Variants in NCOR2 observed in about 807,000 individuals in gnomAD.
The protein encoded by NCOR2 is CTG repeat protein 26.
A neutral mutation model predicts 262.9 loss-of-function variants in NCOR2; 81 were observed. The observed-to-expected ratio is 0.31, with a 90% CI of 0.26 to 0.37. NCOR2 has a LOEUF of 0.37. NCOR2 is among the 10% of genes least tolerant of loss of function. The pLI is 1.00. For synonymous variants in NCOR2, 1,659 were observed against 1,559.3 expected (o/e 1.06, Z -1.51); for missense variants, 3,385 against 3,621.4 (o/e 0.93, Z 1.68).
In NCOR2 at chr12:124,378,515, C is replaced by A; in HGVS notation, c.2020-131G>T. On this transcript the variant is annotated intron_variant, in intron 17 of 46. Coordinates refer to ENST00000405201, the Ensembl canonical transcript of NCOR2. The surrounding 1 kb of genome is among the most constrained non-coding windows in gnomAD (Gnocchi z 4.2). ...CCATGTAGCAATGAGGGTGACCGTC[C>A]CCCTCACACCCCACCTCGGCAGCCA... 2 of 878,152 alleles carry A rather than the reference C, an allele frequency of 2.3e-6. No homozygotes were observed. Among genetic ancestry groups the A allele is most frequent in the East Asian group, 2.7e-5 (1 of 36,752 alleles). 54.4% of individuals were successfully genotyped at this position (878,152 alleles called of 1,614,324 possible).
chr12:124,491,624 C>T (rs1351168891), intron 1 of NCOR2, among the ~76,000 whole-genome samples: 1 of 152,178 alleles, frequency 6.6e-6, no homozygotes, highest in African/African-American at 2.4e-5. Context: ...TTAGCCCATT[C>T]GTTTAGCCCA....
intron 44 of NCOR2, among the ~76,000 whole-genome samples, chr12:124,328,163 G>A (rs571539874): frequency 6.6e-6 from 1 of 150,566 alleles, no homozygotes. Flanking sequence ...AGAGAGAGAA[G>A]GTGACCAGAT....
intron 16 of NCOR2, 125 bp from the exon 19 acceptor site, chr12:124,386,012 C>G (rs1253904972): frequency 8.2e-7 from 1 of 1,212,608 alleles, no homozygotes; most frequent in African/African-American, 1.5e-5. Flanking sequence ...CTGCTCAGGC[C>G]CAGGACCTCT....
At chr12:124,381,221 C>G (rs2040385365) in intron 17 of NCOR2, among the ~76,000 whole-genome samples, 1 of 152,130 alleles carries the variant, frequency 6.6e-6, no homozygotes, top group Admixed American at 6.5e-5. Context: ...GCCCTCCCTG[C>G]TCGCTGCCCC....
chr12:124,532,773 A>G (rs2050881221), intron 1 of NCOR2, among the ~76,000 whole-genome samples: 1 of 152,170 alleles, frequency 6.6e-6, no homozygotes, highest in Non-Finnish European at 1.5e-5. Context: ...AGCCCAGACC[A>G]GGCCGCTTTC....
At chr12:124,401,177 C>T (rs1299382463) in intron 14 of NCOR2, among the ~76,000 whole-genome samples, 1 of 150,952 alleles carries the variant, frequency 6.6e-6, no homozygotes, top group Non-Finnish European at 1.5e-5. Context: ...TACCACTGCA[C>T]TCCAGCCTGG....
chr12:124,503,621 T>TGGACGGACGGAC lies in NCOR2; in HGVS notation c.-117-8254_-117-8253insGTCCGTCCGTCC, dbSNP rs1240704357. ...ATGGATGGACGGACGGACGGATGGA[T>TGGACGGACGGAC]GGATGGATGGATGGGCGAATGGATG... On this transcript the variant is annotated intron_variant, in intron 1 of 46. Transcript: ENST00000404621. This position sits in a 1 kb window ranked among gnomAD's most constrained non-coding sequence, Gnocchi z 4.3. Among the ~76,000 whole-genome samples, 1 of 138,346 alleles carries TGGACGGACGGAC rather than the reference T, an allele frequency of 7.2e-6. No homozygotes were observed. Among genetic ancestry groups the TGGACGGACGGAC allele is most frequent in the African/African-American group, 2.7e-5 (1 of 37,550 alleles). 90.8% of individuals were successfully genotyped at this position (138,346 alleles called of 152,430 possible).
At position 124,507,432 on chromosome 12, in the gene NCOR2, C is replaced by T. The variant is rs536780103; in HGVS notation, c.-117-12064G>A. 9.2e-5 allele frequency among the ~76,000 whole-genome samples: 14 copies of T among 152,292 alleles called. No individual in the cohort carries two copies. In the East Asian group the frequency reaches 1.7e-3, roughly 19 times the overall value. ...CTAGTGTTGTGCTTGTGTTGTTCCG[C>T]GGTGGCCCCAAAGGCTCAGGCTGCC... On this transcript the variant is annotated intron_variant, in intron 1 of 46. Coordinates refer to the NCOR2 transcript ENST00000404621.
rs922947410 is a variant in NCOR2, at chr12:124,517,861, G to A, written c.-118+17704C>T. Among the ~76,000 whole-genome samples the A allele has an allele frequency of 1.3e-5, 2 of 152,144 alleles. No individual in the cohort carries two copies. The highest frequency in any genetic ancestry group is 1.9e-4 in the East Asian group (1 of 5,182). On this transcript the variant is annotated intron_variant, in intron 1 of 46. Transcript: ENST00000404621. The surrounding 1 kb of genome is among the most constrained non-coding windows in gnomAD (Gnocchi z 7.6). Reference sequence around the variant, plus strand: ...ATGAGACAGCCCTGCCCACCATCCCGCTGAGCTCAGGGCCGACAACACTGC... The same window carrying A: ...ATGAGACAGCCCTGCCCACCATCCCACTGAGCTCAGGGCCGACAACACTGC...
chr12:124,523,696 T>C lies in NCOR2; in HGVS notation c.-118+11869A>G, dbSNP rs1322963547. 6.6e-6 allele frequency among the ~76,000 whole-genome samples: 1 copy of C among 151,472 alleles called. No homozygotes were observed. Among genetic ancestry groups the C allele is most frequent in the Non-Finnish European group, 1.5e-5 (1 of 67,890 alleles). On this transcript the variant is annotated intron_variant, in intron 1 of 46. Transcript: ENST00000404621. The surrounding 1 kb of genome is among the most constrained non-coding windows in gnomAD (Gnocchi z 4.0). ...TGTTTTAAGAAAGTTTACAAATTTG[T>C]GTTGGGCTGCATTTAAAACCGTCCT...
chr12:124,391,078 C>T (rs909992064), intron 16 of NCOR2, among the ~76,000 whole-genome samples: 8 of 152,246 alleles, frequency 5.3e-5, no homozygotes, highest in East Asian at 1.9e-4. Context: ...TCAGCCTCCT[C>T]GGCTCAGGTG....
In NCOR2 at chr12:124,343,252, C is replaced by T. The variant is rs372437462; in HGVS notation, c.4715-26G>A. ...CTGTGGACGGGCAAGGTGGATGCAT[C>T]GGGCCTCTGGGGCTGGCATTTACGG... is the stretch of plus-strand genomic sequence containing the variant. On this transcript the variant is annotated intron_variant, in intron 32 of 46. Transcript: ENST00000405201. 68 of 1,595,556 alleles carry T rather than the reference C, an allele frequency of 4.3e-5. 4 individuals are homozygous for T. The highest frequency in any genetic ancestry group is 4.2e-4 in the African/African-American group (31 of 74,674).
intron 7 of NCOR2, among the ~76,000 whole-genome samples, chr12:124,446,829 T>C (rs2045204947): frequency 6.6e-6 from 1 of 152,148 alleles, no homozygotes; most frequent in Non-Finnish European, 1.5e-5. Context: ...TTCCAACAAT[T>C]TACACACAAA....
chr12:124,422,559 C>G lies in NCOR2; in HGVS notation c.1329-4G>C. 1 of 1,613,858 alleles carries G rather than the reference C, an allele frequency of 6.2e-7. No homozygotes were observed. ...GTTCTTGGGATGCTGCATGAACCTG[C>G]GGGACGAGAAGGGTGGGCGTGAGAC... On this transcript the variant is annotated splice_polypyrimidine_tract_variant and splice_region_variant and intron_variant, in intron 11 of 46. Coordinates refer to ENST00000405201, the Ensembl canonical transcript of NCOR2.
chr12:124,335,410 T>C (rs1448344539), intron 39 of NCOR2, 73 bp downstream of exon 41: 5 of 1,539,676 alleles, frequency 3.2e-6, no homozygotes, highest in Non-Finnish European at 4.4e-6. Flanking sequence ...TCTGTTTTCC[T>C]ATCTGCATGA....
At position 124,346,727 on chromosome 12, in the gene NCOR2, G is replaced by A. The variant is rs115154917; in HGVS notation, c.4196C>T (p.Thr1399Met). 24 of 1,563,100 alleles carry A rather than the reference G, an allele frequency of 1.5e-5. No homozygotes were observed. The highest frequency in any genetic ancestry group is 5.4e-5 in the African/African-American group (4 of 74,206). The change falls in exon 31 of 47, where the codon ACG becomes ATG. Residue 1399 changes from threonine to methionine, a missense_variant. This residue lies in a region of NCOR2 where 1,615 missense variants were observed against 1,626.9 expected (regional missense o/e 0.99). Transcript: ENST00000405201. ...CAGCTTCAGGGGGCCCAGGGCCTGC[G>A]TCTTGTAGGCCTCGGTCAGGTCCCG...
intron 43 of NCOR2, 124 bp from the exon 46 acceptor site, chr12:124,331,022 C>A: frequency 6.8e-6 from 6 of 876,714 alleles, no homozygotes; most frequent in Non-Finnish European, 1.1e-5. Context: ...ATTGCAGGTT[C>A]TCATGCAGCA....
At position 124,432,802 on chromosome 12, in the gene NCOR2, G is replaced by A. The variant is rs2044043571; in HGVS notation, c.883-2015C>T. ...TCCTTTGAGAAGAGATCCCCAATCAGCCCAGAGCATAGCTGCCTGGCTTCC... is the reference window on the plus strand; with the variant it reads ...TCCTTTGAGAAGAGATCCCCAATCAACCCAGAGCATAGCTGCCTGGCTTCC... On this transcript the variant is annotated intron_variant, in intron 8 of 46. Coordinates refer to ENST00000405201, the Ensembl canonical transcript of NCOR2. This position sits in a 1 kb window ranked among gnomAD's most constrained non-coding sequence, Gnocchi z 5.1. 7.4e-6 allele frequency among the ~76,000 whole-genome samples: 1 copy of A among 135,712 alleles called. No homozygotes were observed. Among genetic ancestry groups the A allele is most frequent in the Non-Finnish European group, 1.5e-5 (1 of 64,578 alleles). 89.0% of individuals were successfully genotyped at this position (135,712 alleles called of 152,430 possible).
intron 1 of NCOR2, among the ~76,000 whole-genome samples, chr12:124,564,988 G>C (rs2052187967): frequency 6.7e-6 from 1 of 149,014 alleles, no homozygotes; most frequent in South Asian, 2.1e-4. Context: ...CGTGTTTGCA[G>C]AGCTCTGGGA....
Sources: allele counts gnomAD v4.1 joint callset (sites outside exome capture counted in the v4.1 genomes callset), GRCh38; gene constraint gnomAD v4.1.1; regional missense constraint gnomAD v4.1.1; non-coding constraint Gnocchi (gnomAD v3.1); transcripts MANE v1.5; gene names NCBI Gene and HGNC (gene_info 2026-07-23, HGNC 2026-07-21).